Variants in CHP1 observed in about 807,000 individuals in gnomAD.
The protein encoded by CHP1 is calcineurin B homologous protein 1.
In CHP1, 11 loss-of-function variants were observed where a neutral mutation model predicts 27.4. The observed-to-expected ratio is 0.40, with a 90% CI of 0.25 to 0.67. CHP1 has a LOEUF of 0.67. Ranked by LOEUF, CHP1 falls within the 30% of genes least tolerant of loss-of-function variation. The pLI is 0.38. For missense variants in CHP1, 169 were observed against 251.3 expected (o/e 0.67, Z 2.22); for synonymous variants, 89 against 87.4 (o/e 1.02, Z -0.10).
Position 41,281,333 on chromosome 15 carries a change from AG to A in CHP1, c.*1945del, listed in dbSNP as rs2047544882. The A allele has an allele frequency of 6.5e-6, 1 of 152,680 alleles. No individual in the cohort carries two copies. The highest frequency in any genetic ancestry group is 1.5e-5 in the Non-Finnish European group (1 of 68,052). The allele number at this position is 152,680 out of a possible 1,614,324, so 9.5% of individuals were successfully genotyped here. A position where few individuals can be genotyped will look rare whatever the true frequency, so the allele number is the denominator to read the frequency against. On this transcript the variant is annotated 3_prime_UTR_variant, in exon 7 of 7. Coordinates refer to ENST00000334660, the MANE Select transcript of CHP1 (RefSeq NM_007236.5). Reference sequence around the variant, plus strand: ...CCTTAAAAACAAGAGGTCTGGCACTAGTAGCACAACCTAAGGTGGCATTACA... The same window carrying A: ...CCTTAAAAACAAGAGGTCTGGCACTATAGCACAACCTAAGGTGGCATTACA...
intron 4 of CHP1, among the ~76,000 whole-genome samples, chr15:41,269,621 G>C (rs904178447): frequency 6.6e-6 from 1 of 152,080 alleles, no homozygotes; most frequent in Non-Finnish European, 1.5e-5. Context: ...GGATGTACTC[G>C]AGAGTCGTGT....
chr15:41,244,860 A>T (rs1466373276), intron 2 of CHP1, among the ~76,000 whole-genome samples: 1 of 152,152 alleles, frequency 6.6e-6, no homozygotes, highest in African/African-American at 2.4e-5. Context: ...GTGGTTCTTC[A>T]TCTTTGATTG....
chr15:41,253,046 C>T (rs1595475862), intron 2 of CHP1, among the ~76,000 whole-genome samples: 1 of 139,248 alleles, frequency 7.2e-6, no homozygotes, highest in East Asian at 2.3e-4. Flanking sequence ...TCAAGTGATT[C>T]TCCTTTCTCA....
intron 4 of CHP1, among the ~76,000 whole-genome samples, chr15:41,265,520 G>A (rs576164204): frequency 6.0e-5 from 9 of 151,152 alleles, no homozygotes; most frequent in Non-Finnish European, 1.0e-4. Flanking sequence ...GACCAGCCTG[G>A]CCAACATGGT....
chr15:41,262,744 T>C lies in CHP1; in HGVS notation c.222-12T>C. 1 of 1,611,874 alleles carries C rather than the reference T, an allele frequency of 6.2e-7. No individual in the cohort carries two copies. The highest frequency in any genetic ancestry group is 8.5e-7 in the Non-Finnish European group (1 of 1,179,622). On this transcript the variant is annotated splice_polypyrimidine_tract_variant and intron_variant, in intron 3 of 6. Transcript: ENST00000334660. The stretch of plus-strand genomic sequence containing the variant: ...TTGACATGGTGTTGTGTTTGTTATA[T>C]TTCACAATCAGAGAGGACCAGGTAA...
In CHP1 at chr15:41,231,326, C is replaced by T; in HGVS notation, c.-57C>T. 15 of 1,504,982 alleles carry T rather than the reference C, an allele frequency of 1.0e-5. No homozygotes were observed. The highest frequency in any genetic ancestry group is 1.4e-5 in the Non-Finnish European group (15 of 1,101,534). The allele number at this position is 1,504,982 out of a possible 1,614,324, so 93.2% of individuals were successfully genotyped here. A position where few individuals can be genotyped will look rare whatever the true frequency, so the allele number is the denominator to read the frequency against. Reference sequence around the variant, plus strand: ...TAGCCCTTCCTTCCCTCCCTCCTTCCCTCCTGTCGCCGTCTCTTCTGGCGC... The same window carrying T: ...TAGCCCTTCCTTCCCTCCCTCCTTCTCTCCTGTCGCCGTCTCTTCTGGCGC... On this transcript the variant is annotated 5_prime_UTR_variant, in exon 1 of 7. Coordinates refer to ENST00000334660, the MANE Select transcript of CHP1 (RefSeq NM_007236.5).
chr15:41,267,892 C>T (rs984275544), intron 4 of CHP1, among the ~76,000 whole-genome samples: 1 of 146,226 alleles, frequency 6.8e-6, no homozygotes, highest in Non-Finnish European at 1.5e-5. Flanking sequence ...CATGATTGCA[C>T]CACTGCACTC....
intron 4 of CHP1, among the ~76,000 whole-genome samples, chr15:41,263,185 G>A (rs2047442118): frequency 6.6e-6 from 1 of 152,180 alleles, no homozygotes; most frequent in African/African-American, 2.4e-5. Flanking sequence ...GCTTCACATA[G>A]TGCCTGGCAT....
At chr15:41,271,978 C>T (rs747375767) in intron 5 of CHP1, among the ~76,000 whole-genome samples, 14 of 152,304 alleles carry the variant, frequency 9.2e-5, no homozygotes, top group Non-Finnish European at 1.8e-4. Flanking sequence ...CCACCCGCCT[C>T]GGCCTCTCAA....
rs1160474832 is a variant in CHP1, at chr15:41,278,905, C to G, written c.534+16C>G. 6.2e-7 allele frequency: 1 copy of G among 1,613,686 alleles called. No homozygotes were observed. The highest frequency in any genetic ancestry group is 1.1e-5 in the South Asian group (1 of 91,066). The stretch of plus-strand genomic sequence containing the variant: ...ATTTGTTAAGGTTGGTCACTTACTT[C>G]TTGTTTGAAAAAGTTACGTTTTAGT... On this transcript the variant is annotated intron_variant, in intron 6 of 6. Transcript: ENST00000334660.
At chr15:41,275,600 G>A (rs150270037) in intron 5 of CHP1, among the ~76,000 whole-genome samples, 263 of 152,206 alleles carry the variant, frequency 1.7e-3, no homozygotes, top group Non-Finnish European at 2.6e-3. Flanking sequence ...TCCCTCTGCT[G>A]CCTACTCTGG....
intron 4 of CHP1, 47 bp from the exon 5 acceptor site, chr15:41,270,510 G>A: frequency 7.1e-7 from 1 of 1,409,880 alleles, no homozygotes; most frequent in Non-Finnish European, 1.0e-6. Context: ...TTGAGAAGGG[G>A]CAACACACTA....
chr15:41,275,037 C>G (rs1481989649), intron 5 of CHP1, among the ~76,000 whole-genome samples: 2 of 152,098 alleles, frequency 1.3e-5, no homozygotes, highest in South Asian at 4.1e-4. Flanking sequence ...ATCCACCTGC[C>G]TCAGCCTCCC....
chr15:41,252,469 G>T (rs1028823417), intron 2 of CHP1, among the ~76,000 whole-genome samples: 1 of 151,982 alleles, frequency 6.6e-6, no homozygotes, highest in African/African-American at 2.4e-5. Context: ...GCCCGGCCTG[G>T]AAAGCTGTGT....
intron 2 of CHP1, among the ~76,000 whole-genome samples, chr15:41,252,789 T>G (rs2047376515): frequency 6.6e-6 from 1 of 152,150 alleles, no homozygotes; most frequent in Non-Finnish European, 1.5e-5. Flanking sequence ...ATGGCTCTGT[T>G]CTCAGAATTG....
chr15:41,238,710 AT>A (rs2047290659), intron 1 of CHP1, among the ~76,000 whole-genome samples: 3 of 150,196 alleles, frequency 2.0e-5, no homozygotes, highest in African/African-American at 7.4e-5. Flanking sequence ...TTAGCCAGGC[AT>A]GGTGGTGGCA....
chr15:41,265,843 T>C (rs1252854250), intron 4 of CHP1, among the ~76,000 whole-genome samples: 1 of 152,030 alleles, frequency 6.6e-6, no homozygotes, highest in African/African-American at 2.4e-5. Context: ...TAAGCCACGG[T>C]GAGAGAATTT....
In CHP1 at chr15:41,280,016, T is replaced by TA. The variant is rs1402023639; in HGVS notation, c.*627_*628insA. The TA allele has an allele frequency of 1.3e-5, 2 of 152,362 alleles. No homozygotes were observed. Among genetic ancestry groups the TA allele is most frequent in the African/African-American group, 4.8e-5 (2 of 41,452 alleles). 9.4% of individuals were successfully genotyped at this position (152,362 alleles called of 1,614,324 possible). A position where few individuals can be genotyped will look rare whatever the true frequency, so the allele number is the denominator to read the frequency against. On this transcript the variant is annotated 3_prime_UTR_variant, in exon 7 of 7. Coordinates refer to ENST00000334660, the MANE Select transcript of CHP1 (RefSeq NM_007236.5). Reference sequence around the variant, plus strand: ...AAATGGGCCTCTGGGATGTTGCCTCTTCAGGAGCTTTTTGGTAATCAATAC... The same window carrying TA: ...AAATGGGCCTCTGGGATGTTGCCTCTATCAGGAGCTTTTTGGTAATCAATAC...
intron 2 of CHP1, among the ~76,000 whole-genome samples, chr15:41,246,464 C>T (rs574117073): frequency 1.3e-5 from 2 of 151,302 alleles, no homozygotes; most frequent in East Asian, 2.0e-4. Flanking sequence ...GGATTACAGG[C>T]GCATGACACC....
Sources: allele counts gnomAD v4.1 joint callset (sites outside exome capture counted in the v4.1 genomes callset), GRCh38; gene constraint gnomAD v4.1.1; transcripts MANE v1.5; gene names NCBI Gene and HGNC (gene_info 2026-07-23, HGNC 2026-07-21).